USP10: variants seen among roughly 807,000 people sequenced by gnomAD.
USP10 encodes ubiquitin specific peptidase 10, also known as ubiquitin carboxyl-terminal hydrolase 10.
A neutral mutation model predicts 84.5 loss-of-function variants in USP10; 22 were observed. That is an observed-to-expected ratio of 0.26 (90% CI 0.19 to 0.37). The LOEUF (loss-of-function observed/expected upper bound fraction) is 0.37, where lower values mean the gene tolerates loss of function less well. USP10 is among the 10% of genes least tolerant of loss of function. The pLI is 1.00. For missense variants in USP10, 1,019 were observed against 998.9 expected (o/e 1.02, Z -0.27); for synonymous variants, 454 against 387.6 (o/e 1.17, Z -2.01).
chr16:84,714,385 G>C (rs1906722042), intron 1 of USP10, among the ~76,000 whole-genome samples: 1 of 152,184 alleles, frequency 6.6e-6, no homozygotes, highest in Non-Finnish European at 1.5e-5. Context: ...CACAATCGTA[G>C]CTCACTCCCT....
rs1268055084 is a variant in USP10 at position 84,764,256 on chromosome 16, C to T, written c.1825C>T (p.His609Tyr). The change falls in exon 10 of 14, where the codon CAC becomes TAC. Residue 609 changes from histidine to tyrosine, a missense_variant. By Grantham distance (83) the His-to-Tyr change is moderately conservative. Coordinates refer to ENST00000219473, the MANE Select transcript of USP10 (RefSeq NM_005153.3). Reference protein sequence around the residue: ...QTPITGIFGGHIRSVVYQQSS... With the variant: ...QTPITGIFGGYIRSVVYQQSS... ...TCCAATCACCGGCATTTTTGGTGGACACATCAGGTTTGTGCTTTTCTGGAA... is the reference window on the plus strand; with the variant it reads ...TCCAATCACCGGCATTTTTGGTGGATACATCAGGTTTGTGCTTTTCTGGAA... 1.2e-6 allele frequency: 2 copies of T among 1,614,026 alleles called. No homozygotes were observed.
chr16:84,778,530 T>C (rs968311005), intron 13 of USP10, among the ~76,000 whole-genome samples: 1 of 152,214 alleles, frequency 6.6e-6, no homozygotes. Context: ...CAGGACAGTC[T>C]AGAAGTAGAG....
chr16:84,700,198 C>G (rs771588695), intron 1 of USP10, 87 bp downstream of exon 1: 31,535 of 1,057,542 alleles, frequency 0.03, 515 homozygotes, highest in Admixed American at 0.037. Context: ...GCGCCCTGCC[C>G]GGAGCGAGCG....
chr16:84,764,460 C>T lies in USP10; in HGVS notation c.1832+197C>T, dbSNP rs146119748. Among the ~76,000 whole-genome samples, 21 of 152,326 alleles carry T rather than the reference C, an allele frequency of 1.4e-4. No individual in the cohort carries two copies. In the East Asian group the frequency reaches 3.9e-3, roughly 28 times the overall value. On this transcript the variant is annotated intron_variant, in intron 10 of 13. Transcript: ENST00000219473. ...GTGGCTTATTCTCTCCCTGCTGGCG[C>T]ATGTCTGCAGGGGACAGGGAGCTCC...
chr16:84,762,016 CAG>C (rs1018305654), intron 8 of USP10, among the ~76,000 whole-genome samples: 6 of 152,256 alleles, frequency 3.9e-5, no homozygotes, highest in African/African-American at 9.6e-5. Context: ...ATGCTTCAAA[CAG>C]AACAATTTGC....
Position 84,700,073 on chromosome 16 carries a change from C to T in USP10, c.-18C>T. 1 of 1,373,794 alleles carries T rather than the reference C, an allele frequency of 7.3e-7. No homozygotes were observed. Among genetic ancestry groups the T allele is most frequent in the Non-Finnish European group, 9.6e-7 (1 of 1,043,626 alleles). 85.1% of individuals were successfully genotyped at this position (1,373,794 alleles called of 1,614,324 possible). On this transcript the variant is annotated 5_prime_UTR_variant, in exon 1 of 14. Transcript: ENST00000219473. ...TGAGCAGCCGGAGGATCGCGGAGTC[C>T]CAATGAAACGGGCAGCCATGGCCCT...
At chr16:84,775,521 C>G (rs568125135) in intron 13 of USP10, among the ~76,000 whole-genome samples, 1 of 152,180 alleles carries the variant, frequency 6.6e-6, no homozygotes, top group African/African-American at 2.4e-5. Context: ...AGAATGTGAC[C>G]TCTCCCGGCT....
chr16:84,746,845 C>G (rs1239445377), intron 4 of USP10, among the ~76,000 whole-genome samples: 2 of 152,194 alleles, frequency 1.3e-5, no homozygotes, highest in Non-Finnish European at 2.9e-5. Context: ...AAATTCTAAA[C>G]TTTTTGACTC....
intron 9 of USP10, among the ~76,000 whole-genome samples, chr16:84,763,869 C>T (rs1377819153): frequency 6.6e-6 from 1 of 151,500 alleles, no homozygotes; most frequent in East Asian, 1.9e-4. Context: ...GACGTTGCAC[C>T]TGTTGCGATT....
intron 11 of USP10, among the ~76,000 whole-genome samples, chr16:84,770,668 A>G (rs370214373): frequency 3.3e-5 from 5 of 151,102 alleles, no homozygotes; most frequent in East Asian, 3.9e-4. Context: ...GCTACTCAGG[A>G]GGCTGAGGCA....
chr16:84,767,960 A>T (rs1183385750), intron 10 of USP10, among the ~76,000 whole-genome samples: 1 of 152,078 alleles, frequency 6.6e-6, no homozygotes, highest in Non-Finnish European at 1.5e-5. Context: ...ATTACTTGAG[A>T]TCAGGGATTG....
chr16:84,731,994 C>G (rs907954385), intron 1 of USP10, among the ~76,000 whole-genome samples: 1 of 152,230 alleles, frequency 6.6e-6, no homozygotes, highest in South Asian at 2.1e-4. Context: ...TTTATTTTCA[C>G]TGTTACTGTC....
intron 1 of USP10, among the ~76,000 whole-genome samples, chr16:84,724,101 A>G (rs1303998158): frequency 6.6e-6 from 1 of 152,252 alleles, no homozygotes; most frequent in Non-Finnish European, 1.5e-5. Flanking sequence ...ATACAATAGC[A>G]ATTTTACACA....
intron 10 of USP10, among the ~76,000 whole-genome samples, chr16:84,767,374 CA>C (rs1913978483): frequency 6.6e-6 from 1 of 151,986 alleles, no homozygotes. Flanking sequence ...GCTAAGAAAA[CA>C]AGGTCAAATT....
At chr16:84,722,133 C>G (rs958209269) in intron 1 of USP10, among the ~76,000 whole-genome samples, 2 of 152,242 alleles carry the variant, frequency 1.3e-5, no homozygotes, top group Non-Finnish European at 2.9e-5. Flanking sequence ...AGCTAGTGGT[C>G]TGCTTCTGTC....
intron 1 of USP10, among the ~76,000 whole-genome samples, chr16:84,726,878 G>A (rs948844627): frequency 8.5e-5 from 13 of 152,224 alleles, no homozygotes; most frequent in Non-Finnish European, 1.5e-4. Flanking sequence ...ACCACAGGAC[G>A]CGGGAAAGGA....
chr16:84,758,187 C>A (rs1287130532), intron 4 of USP10, among the ~76,000 whole-genome samples: 1 of 152,124 alleles, frequency 6.6e-6, no homozygotes, highest in Admixed American at 6.5e-5. Context: ...TGTAGGAGAC[C>A]GCTGTCTCTG....
At chr16:84,763,910 G>C (rs1392190439) in intron 9 of USP10, among the ~76,000 whole-genome samples, 176 bp from the exon 10 acceptor site, 1 of 152,078 alleles carries the variant, frequency 6.6e-6, no homozygotes, top group Non-Finnish European at 1.5e-5. Context: ...CATTGTGCCT[G>C]TTGCGATTGG....
At chr16:84,702,144 C>T (rs1406472141) in intron 1 of USP10, among the ~76,000 whole-genome samples, 7 of 147,764 alleles carry the variant, frequency 4.7e-5, no homozygotes, top group African/African-American at 1.8e-4. Context: ...GCAACCTCTG[C>T]CTCCCGGGTT....
Sources: allele counts gnomAD v4.1 joint callset (sites outside exome capture counted in the v4.1 genomes callset), GRCh38; gene constraint gnomAD v4.1.1; transcripts MANE v1.5; gene names NCBI Gene and HGNC (gene_info 2026-07-23, HGNC 2026-07-21).